The following CLCN5 variants were observed in gnomAD, a reference collection of about 807,000 sequenced individuals.
CLCN5 encodes H(+)/Cl(-) exchange transporter 5.
A neutral mutation model predicts 54.0 loss-of-function variants in CLCN5; 17 were observed. The ratio of observed to expected loss-of-function variants is 0.31; its 90% CI spans 0.22 to 0.47. The LOEUF (loss-of-function observed/expected upper bound fraction) is 0.47. CLCN5 is among the 20% of genes least tolerant of loss of function. The pLI is 1.00. For synonymous variants in CLCN5, 222 were observed against 233.0 expected, an observed-to-expected ratio of 0.95 and a Z score of 0.43; for missense variants, 448 against 646.7, an observed-to-expected ratio of 0.69 and a Z score of 3.33.
chrX:50,014,471 G>T, intron 3 of CLCN5: 1 of 254,617 alleles, frequency 3.9e-6, no homozygotes, highest in South Asian at 3.8e-5. Context: ...CACAACATGG[G>T]ACTTCTTATT....
At chrX:49,992,053 T>G (rs892083228) in intron 3 of CLCN5, among the ~76,000 whole-genome samples, 1 of 111,357 alleles carries the variant, frequency 9.0e-6, no homozygotes, top group Non-Finnish European at 1.9e-5. Flanking sequence ...AGTTCATTTA[T>G]TTTTTTAAAA....
At position 50,090,285 on chromosome X, in the gene CLCN5, C is replaced by T. The variant is rs34173954; in HGVS notation, c.1914C>T (p.Pro638=). Residue 638 remains proline (P), a synonymous_variant, in exon 13 of 15, where the codon CCC becomes CCT. Coordinates refer to ENST00000376091, the MANE Select transcript of CLCN5 (RefSeq NM_001127898.4). ...YDAHIRLNGY[P]FLEAKEEFAH... ...CCCACATCCGTCTCAATGGATACCC[C>T]TTTCTTGAAGCCAAAGAAGAGTTTG... is the stretch of plus-strand genomic sequence containing the variant. The T allele has an allele frequency of 0.011, 13,620 of 1,209,504 alleles. 1,059 individuals are homozygous for T. In the African/African-American group the frequency reaches 0.21, roughly 19 times the overall value.
rs782081622 is a variant in CLCN5, at chrX:50,015,932, A to C, written c.17-26384A>C. ...TGATCCTTGGTCCTTCTTCTCTCCC[A>C]GATTCTCCCAATCTAACCTGCAGTA... is the stretch of plus-strand genomic sequence containing the variant. On this transcript the variant is annotated intron_variant, in intron 3 of 14. Coordinates refer to ENST00000376091, the MANE Select transcript of CLCN5 (RefSeq NM_001127898.4). Among the ~76,000 whole-genome samples, 116 of 111,710 alleles carry C rather than the reference A, an allele frequency of 1.0e-3. 1 individual carries two copies. The highest frequency in any genetic ancestry group is 3.7e-3 in the African/African-American group (114 of 30,761).
chrX:50,006,977 C>A (rs1051257899), intron 3 of CLCN5, among the ~76,000 whole-genome samples: 1 of 111,247 alleles, frequency 9.0e-6, no homozygotes, highest in Non-Finnish European at 1.9e-5. Flanking sequence ...CCCAAGCACC[C>A]CACCTTGTCC....
At chrX:49,997,208 G>C (rs1929565937) in intron 3 of CLCN5, among the ~76,000 whole-genome samples, 1 of 111,686 alleles carries the variant, frequency 9.0e-6, no homozygotes, top group South Asian at 3.7e-4. Context: ...AGCTCCTTGA[G>C]GACAGCAATC....
chrX:50,047,167 C>T (rs1222312786), intron 4 of CLCN5, among the ~76,000 whole-genome samples: 2 of 112,011 alleles, frequency 1.8e-5, no homozygotes, highest in Non-Finnish European at 3.8e-5. Flanking sequence ...AAACTGAAAA[C>T]AAAGTAAAAT....
At chrX:50,078,546 TTGTG>T (rs1339764097) in intron 7 of CLCN5, among the ~76,000 whole-genome samples, 13 of 112,320 alleles carry the variant, frequency 1.2e-4, no homozygotes, top group African/African-American at 3.9e-4. Context: ...ATGTATGTAT[TTGTG>T]TGTGTGTATG....
chrX:49,943,571 AT>A (rs1209421290), intron 3 of CLCN5, among the ~76,000 whole-genome samples: 1 of 107,239 alleles, frequency 9.3e-6, no homozygotes, highest in Non-Finnish European at 1.9e-5. Context: ...TCTTGAATTA[AT>A]TTTTGTATAA....
chrX:49,988,487 T>C (rs1929083535), intron 3 of CLCN5, among the ~76,000 whole-genome samples: 1 of 111,338 alleles, frequency 9.0e-6, no homozygotes, highest in South Asian at 3.8e-4. Context: ...TTCAAGTCCT[T>C]GGTAATCTTG....
chrX:49,965,848 T>C (rs868926570), intron 3 of CLCN5, among the ~76,000 whole-genome samples: 3 of 108,433 alleles, frequency 2.8e-5, no homozygotes, highest in Admixed American at 9.6e-5. Context: ...TCTCAAATGG[T>C]TTTTCTCTAT....
intron 11 of CLCN5, among the ~76,000 whole-genome samples, chrX:50,087,856 T>A (rs782130455): frequency 8.9e-6 from 1 of 112,030 alleles, no homozygotes; most frequent in Non-Finnish European, 1.9e-5. Context: ...ACACAGGCTA[T>A]TTTAAAAGAA....
chrX:49,942,854 G>A (rs5906896), intron 3 of CLCN5, among the ~76,000 whole-genome samples: 16 of 108,256 alleles, frequency 1.5e-4, no homozygotes, highest in East Asian at 5.8e-4. Flanking sequence ...GAATAGTGCC[G>A]CAATAAACAT....
intron 3 of CLCN5, among the ~76,000 whole-genome samples, chrX:50,030,133 TA>T (rs1931622102): frequency 8.9e-6 from 1 of 112,148 alleles, no homozygotes; most frequent in Admixed American, 9.5e-5. Flanking sequence ...TCAAGTTATA[TA>T]AAAGATGCCA....
At chrX:50,058,552 C>T (rs1450613753) in intron 4 of CLCN5, among the ~76,000 whole-genome samples, 8 of 111,367 alleles carry the variant, frequency 7.2e-5, no homozygotes, top group Admixed American at 6.7e-4. Context: ...TATGCCTCCT[C>T]ATTCAAGCAG....
At chrX:49,930,482 G>A (rs1925585205) in intron 3 of CLCN5, among the ~76,000 whole-genome samples, 1 of 111,707 alleles carries the variant, frequency 9.0e-6, no homozygotes, top group Non-Finnish European at 1.9e-5. Flanking sequence ...ATGGAATATG[G>A]TAATTACCAA....
At chrX:49,944,330 T>A (rs1250763852) in intron 3 of CLCN5, among the ~76,000 whole-genome samples, 5 of 111,755 alleles carry the variant, frequency 4.5e-5, no homozygotes, top group Non-Finnish European at 9.4e-5. Context: ...TTTCTAGATA[T>A]ACAATCATAT....
chrX:49,926,556 A>G (rs1557168031), intron 3 of CLCN5, among the ~76,000 whole-genome samples: 2 of 111,995 alleles, frequency 1.8e-5, no homozygotes, highest in Non-Finnish European at 3.8e-5. Flanking sequence ...GAGTAGGAGC[A>G]AATGAGAGAA....
At chrX:50,065,018 G>C (rs1373277072) in intron 4 of CLCN5, among the ~76,000 whole-genome samples, 1 of 110,484 alleles carries the variant, frequency 9.1e-6, no homozygotes, top group Non-Finnish European at 1.9e-5. Flanking sequence ...ATTCAAGATG[G>C]ATTAAAGATT....
chrX:50,085,685 A>G, intron 9 of CLCN5: 1 of 346,589 alleles, frequency 2.9e-6, no homozygotes, highest in Non-Finnish European at 5.1e-6. Context: ...ATTCAAATGC[A>G]GTTACTGAAT....
Sources: gnomAD v4.1 joint callset for allele counts (sites outside exome capture counted in the v4.1 genomes callset) on GRCh38, gnomAD v4.1.1 for gene constraint, MANE v1.5 for transcripts, NCBI Gene and HGNC (gene_info 2026-07-23, HGNC 2026-07-21) for gene names.